CX3CR1: variants seen among roughly 807,000 people sequenced by gnomAD.
CX3CR1 encodes C-X3-C motif chemokine receptor 1.
For missense variants in CX3CR1, 363 were observed against 432.4 expected (o/e 0.84, Z 1.42); for synonymous variants, 168 against 178.5 (o/e 0.94, Z 0.47).
At position 39,266,392 on chromosome 3, in the gene CX3CR1, C is replaced by A. The variant is rs370155154; in HGVS notation, c.118G>T (p.Val40Phe). 1.2e-6 allele frequency: 2 copies of A among 1,614,018 alleles called. No homozygotes were observed. Among genetic ancestry groups the A allele is most frequent in the African/African-American group, 2.7e-5 (2 of 74,902 alleles). The change falls in exon 2 of 2, where the codon GTC becomes TTC. Residue 40 changes from valine (V) to phenylalanine (F), a missense_variant. Val to Phe is a conservative substitution (Grantham distance 50). Transcript: ENST00000399220. Reference protein sequence around the residue: ...GTVFLSIFYSVIFAIGLVGNL... With the variant: ...GTVFLSIFYSFIFAIGLVGNL... ...CCCACCAGGCCAATGGCAAAGATGA[C>A]GGAGTAGAATATGGACAGGAACACA...
chr3:39,266,259 A>G lies in CX3CR1; in HGVS notation c.251T>C (p.Leu84Ser). 1 of 1,614,252 alleles carries G rather than the reference A, an allele frequency of 6.2e-7. No homozygotes were observed. The highest frequency in any genetic ancestry group is 1.1e-5 in the South Asian group (1 of 91,082). Residue 84 changes from leucine to serine, a missense_variant, in exon 2 of 2, where the codon TTG becomes TCG. Transcript: ENST00000399220. ...ALSDLLFVAT[L>S]PFWTHYLINE... ...TATCAAATAGTGAGTCCAGAAGGGC[A>G]AAGTGGCTACAAACAGCAGATCAGA...
At chr3:39,290,698 G>A in the CX3CR1 span, among the ~76,000 whole-genome samples, 3 of 152,154 alleles carry the variant, frequency 2.0e-5, no homozygotes. Context: ...GAGGTGGGCA[G>A]ATGACGAGGT....
chr3:39,280,261 G>A (rs2040880268), upstream of CX3CR1: 2 of 985,576 alleles, frequency 2.0e-6, no homozygotes, highest in Admixed American at 6.1e-5. Flanking sequence ...CAACCTGGAG[G>A]TGGGGGGCAG....
At chr3:39,287,336 T>A in the CX3CR1 span, 1 of 152,260 alleles carries the variant, frequency 6.6e-6, no homozygotes, top group Admixed American at 6.5e-5. Flanking sequence ...TTTTGCTGTT[T>A]ACTGTCGTGC....
upstream of CX3CR1, chr3:39,281,639 A>C: frequency 6.3e-7 from 1 of 1,599,272 alleles, no homozygotes. Flanking sequence ...CAGAAGCCAG[A>C]GAGCTCTTCC....
At position 39,266,231 on chromosome 3, in the gene CX3CR1, A is replaced by G. The variant is rs1244859351; in HGVS notation, c.279T>C (p.Asn93=). 2.5e-6 allele frequency: 4 copies of G among 1,614,086 alleles called. No homozygotes were observed. In the African/African-American group the frequency reaches 4.0e-5, roughly 16 times the overall value. ...ACATGGCATTGTGGAGGCCCTTTTCATTTATCAAATAGTGAGTCCAGAAGG... is the reference window on the plus strand; with the variant it reads ...ACATGGCATTGTGGAGGCCCTTTTCGTTTATCAAATAGTGAGTCCAGAAGG... ...TLPFWTHYLI[N]EKGLHNAMCK... Residue 93 remains asparagine, a synonymous_variant, in exon 2 of 2, where the codon AAT becomes AAC. Transcript: ENST00000399220.
chr3:39,280,718 C>T (rs1020301170), upstream of CX3CR1, among the ~76,000 whole-genome samples: 5 of 152,206 alleles, frequency 3.3e-5, no homozygotes, highest in Non-Finnish European at 7.3e-5. Flanking sequence ...CTGGCCTATG[C>T]TCCTTTCACA....
the CX3CR1 span, among the ~76,000 whole-genome samples, chr3:39,292,431 C>T: frequency 6.6e-6 from 1 of 152,278 alleles, no homozygotes; most frequent in East Asian, 1.9e-4. Context: ...TAAAGGGCCT[C>T]CTGGTTTTAC....
At chr3:39,290,611 A>C in the CX3CR1 span, among the ~76,000 whole-genome samples, 2,592 of 152,266 alleles carry the variant, frequency 0.017, 68 homozygotes, top group African/African-American at 0.059. Context: ...TGTTCCTAAG[A>C]ATATAGCTAC....
chr3:39,290,467 A>G, the CX3CR1 span, among the ~76,000 whole-genome samples: 1 of 152,166 alleles, frequency 6.6e-6, no homozygotes, highest in Admixed American at 6.5e-5. Flanking sequence ...CTTTTTTCAT[A>G]TTAGGGAATC....
chr3:39,283,792 AAAT>A (rs1400142269), upstream of CX3CR1, among the ~76,000 whole-genome samples: 1 of 69,256 alleles, frequency 1.4e-5, no homozygotes, highest in East Asian at 6.7e-4. Context: ...AAAAAAAAAA[AAAT>A]TATATATATA....
Position 39,265,684 on chromosome 3 carries a change from T to G in CX3CR1, c.826A>C (p.Ser276Arg). 6.2e-7 allele frequency: 1 copy of G among 1,614,192 alleles called. No individual in the cohort carries two copies. The highest frequency in any genetic ancestry group is 8.5e-7 in the Non-Finnish European group (1 of 1,180,032). The change falls in exon 2 of 2, where the codon AGT (serine) becomes CGT (arginine). Residue 276 changes from serine to arginine, a missense_variant. Physicochemically the swap from Ser to Arg is moderately radical, Grantham distance 110. Coordinates refer to ENST00000399220, the MANE Select transcript of CX3CR1 (RefSeq NM_001337.4). The part of the protein sequence containing the change: ...DMRKDLRLAL[S>R]VTETVAFSHC... ...CTAAATGCAACCGTCTCAGTCACAC[T>G]GAGGGCCAGCCTCAGATCCTTCCTC...
intron 1 of CX3CR1, among the ~76,000 whole-genome samples, chr3:39,273,140 T>C (rs2040799190): frequency 6.6e-6 from 1 of 152,276 alleles, no homozygotes; most frequent in South Asian, 2.1e-4. Flanking sequence ...GCCACTTCTC[T>C]CGAAGTAGAA....
At chr3:39,271,076 C>G (rs916659350) in intron 1 of CX3CR1, among the ~76,000 whole-genome samples, 31 of 152,162 alleles carry the variant, frequency 2.0e-4, no homozygotes, top group African/African-American at 7.5e-4. Flanking sequence ...CATTACAGCC[C>G]TTCCCCATTC....
rs771523523 is a variant in CX3CR1, at chr3:39,265,476, T to C, written c.1034A>G (p.His345Arg). 25 of 1,613,634 alleles carry C rather than the reference T, an allele frequency of 1.5e-5. No homozygotes were observed. The highest frequency in any genetic ancestry group is 1.9e-5 in the Non-Finnish European group (23 of 1,179,740). ...GSVLSSNFTY[H>R]TSDGDALLLL Reference sequence around the variant, plus strand: ...GAGCAATGCATCTCCATCACTCGTGTGGTAAGTAAAATTGCTGCTCAGAAC... The same window carrying C: ...GAGCAATGCATCTCCATCACTCGTGCGGTAAGTAAAATTGCTGCTCAGAAC... Residue 345 changes from histidine (H) to arginine (R), a missense_variant, in exon 2 of 2, where the codon CAC (histidine) becomes CGC (arginine). Transcript: ENST00000399220.
intron 1 of CX3CR1, among the ~76,000 whole-genome samples, chr3:39,275,968 G>A (rs1389613216): frequency 1.3e-5 from 2 of 152,072 alleles, no homozygotes; most frequent in Non-Finnish European, 2.9e-5. Context: ...TTTTAAGGAT[G>A]GGGAAAGTCT....
At chr3:39,277,606 C>T (rs1575210924) in intron 1 of CX3CR1, among the ~76,000 whole-genome samples, 1 of 152,142 alleles carries the variant, frequency 6.6e-6, no homozygotes, top group South Asian at 2.1e-4. Context: ...CAGTTGGATG[C>T]CTGGATCCCA....
chr3:39,265,732 C>A lies in CX3CR1; in HGVS notation c.778G>T (p.Asp260Tyr). 6.2e-7 allele frequency: 1 copy of A among 1,614,184 alleles called. No homozygotes were observed. Among genetic ancestry groups the A allele is most frequent in the South Asian group, 1.1e-5 (1 of 91,076 alleles). Residue 260 changes from aspartate (D) to tyrosine (Y), a missense_variant, in exon 2 of 2, where the codon GAC becomes TAC. Asp to Tyr is a radical substitution (Grantham distance 160). Transcript: ENST00000399220. ...CTCATGTCACAACTGGGAAAGAAGT[C>A]ATAGAGCTTAAGCGTCTCCAGGAAA... The part of the protein sequence containing the change: ...MIFLETLKLY[D>Y]FFPSCDMRKD...
Position 39,274,315 on chromosome 3 carries a change from T to C in CX3CR1, c.-10+5639A>G, listed in dbSNP as rs150569737. ...GGGGAGAGGGGTGCTGAATTCCATG[T>C]TAAGGAGCTATAAGGAAACATTTTA... is the stretch of plus-strand genomic sequence containing the variant. On this transcript the variant is annotated intron_variant, in intron 1 of 1. Transcript: ENST00000399220. Among the ~76,000 whole-genome samples, 100 of 152,072 alleles carry C rather than the reference T, an allele frequency of 6.6e-4. 2 individuals carry two copies. In the East Asian group the frequency reaches 0.016, roughly 25 times the overall value.
Sources: gnomAD v4.1 joint callset for allele counts (sites outside exome capture counted in the v4.1 genomes callset) on GRCh38, gnomAD v4.1.1 for gene constraint, MANE v1.5 for transcripts, NCBI Gene and HGNC (gene_info 2026-07-23, HGNC 2026-07-21) for gene names.